The following SYT1 variants were observed in gnomAD, a reference collection of about 807,000 sequenced individuals.
The protein encoded by SYT1 is synaptotagmin 1.
SYT1 carries 8 observed loss-of-function variants against 44.8 expected under a neutral mutation model. The ratio of observed to expected loss-of-function variants is 0.18; its 90% CI spans 0.10 to 0.32. SYT1 has a LOEUF of 0.32. Among genes scored for constraint, SYT1 ranks in the 10% least tolerant of loss-of-function variants. The pLI is 1.00. For synonymous variants in SYT1, 154 were observed against 188.8 expected (o/e 0.82, Z 1.51); for missense variants, 286 against 509.3 (o/e 0.56, Z 4.22).
intron 1 of SYT1, among the ~76,000 whole-genome samples, chr12:78,957,713 G>C (rs1341759167): frequency 6.6e-6 from 1 of 151,962 alleles, no homozygotes; most frequent in Non-Finnish European, 1.5e-5. Context: ...TACTGTTGTT[G>C]TTGTTATTTT....
intron 1 of SYT1, among the ~76,000 whole-genome samples, chr12:78,962,614 AT>A (rs1175816293): frequency 4.6e-5 from 7 of 152,022 alleles, no homozygotes; most frequent in African/African-American, 1.7e-4. Flanking sequence ...GCCTGTGTGT[AT>A]TCTCATTCGT....
chr12:79,112,238 A>G (rs1475593069), intron 3 of SYT1, among the ~76,000 whole-genome samples: 1 of 152,070 alleles, frequency 6.6e-6, no homozygotes, highest in East Asian at 1.9e-4. Flanking sequence ...ATCTGAGACA[A>G]AACTTGAAGA....
intron 4 of SYT1, among the ~76,000 whole-genome samples, chr12:79,240,859 G>A (rs1050826871): frequency 1.3e-5 from 2 of 152,148 alleles, no homozygotes; most frequent in Non-Finnish European, 2.9e-5. Context: ...TCTAAAAAAT[G>A]TAGAGGAGAA....
At chr12:78,985,141 A>T (rs901027569) in intron 2 of SYT1, among the ~76,000 whole-genome samples, 1 of 151,728 alleles carries the variant, frequency 6.6e-6, no homozygotes, top group South Asian at 2.1e-4. Context: ...TTTATTCTTG[A>T]TTTTTTTTAA....
At chr12:79,111,433 T>C (rs563583349) in intron 3 of SYT1, among the ~76,000 whole-genome samples, 8 of 152,206 alleles carry the variant, frequency 5.3e-5, no homozygotes, top group South Asian at 2.1e-4. Context: ...TCAGAACCTT[T>C]CAAGCAAGGA....
intron 8 of SYT1, among the ~76,000 whole-genome samples, chr12:79,313,411 G>A (rs59881724): frequency 0.011 from 1,601 of 152,266 alleles, 30 homozygotes; most frequent in African/African-American, 0.036. Context: ...AGCAGTATTT[G>A]AGGGAGGATC....
chr12:79,009,449 A>G (rs114330038), intron 2 of SYT1, among the ~76,000 whole-genome samples: 1,728 of 152,262 alleles, frequency 0.011, 32 homozygotes, highest in African/African-American at 0.04. Flanking sequence ...TTCCTTATGG[A>G]TGAGCATTGG....
At chr12:79,178,315 C>A (rs1459667761) in intron 3 of SYT1, among the ~76,000 whole-genome samples, 4 of 151,824 alleles carry the variant, frequency 2.6e-5, no homozygotes, top group Non-Finnish European at 5.9e-5. Flanking sequence ...CACATAGATT[C>A]CTTTTTATTT....
intron 9 of SYT1, among the ~76,000 whole-genome samples, chr12:79,370,711 A>T (rs988299129): frequency 6.6e-6 from 1 of 152,014 alleles, no homozygotes; most frequent in African/African-American, 2.4e-5. Context: ...TGCAGTGAGC[A>T]GAGATCGCGC....
rs575418549 is a variant in SYT1, at chr12:78,921,345, C to G, written c.-217+56236C>G. Among the ~76,000 whole-genome samples the G allele has an allele frequency of 8.6e-4, 130 of 152,028 alleles. 4 individuals are homozygous for G. In the South Asian group the frequency reaches 0.026, roughly 30 times the overall value. Reference sequence around the variant, plus strand: ...GGGAGCTGTTGGTGAAACCGATACTCAAGTTTGTTGTAACAACTATATATA... The same window carrying G: ...GGGAGCTGTTGGTGAAACCGATACTGAAGTTTGTTGTAACAACTATATATA... On this transcript the variant is annotated intron_variant, in intron 1 of 10. Coordinates refer to ENST00000261205, the MANE Select transcript of SYT1 (RefSeq NM_005639.3).
chr12:79,126,897 T>C (rs1338476454), intron 3 of SYT1, among the ~76,000 whole-genome samples: 1 of 152,216 alleles, frequency 6.6e-6, no homozygotes, highest in Non-Finnish European at 1.5e-5. Flanking sequence ...AGTAAAACTC[T>C]GGCTTTCAAC....
chr12:79,183,309 G>A (rs940027325), intron 3 of SYT1, among the ~76,000 whole-genome samples: 11 of 151,984 alleles, frequency 7.2e-5, no homozygotes, highest in African/African-American at 1.7e-4. Flanking sequence ...AGTAAGTTGC[G>A]CAGACAGGAA....
chr12:78,889,319 G>A (rs557949203), intron 1 of SYT1, among the ~76,000 whole-genome samples: 2 of 151,906 alleles, frequency 1.3e-5, no homozygotes, highest in South Asian at 4.2e-4. Flanking sequence ...GTTACCAAAG[G>A]GTTGAGACTC....
Position 79,031,781 on chromosome 12 carries a change from T to C in SYT1, c.-83-15516T>C, listed in dbSNP as rs78973491. ...CATAGAATAAGATATAATAATATTCTACTTTTGGAAATCCTAATCATGGGA... is the reference window on the plus strand; with the variant it reads ...CATAGAATAAGATATAATAATATTCCACTTTTGGAAATCCTAATCATGGGA... On this transcript the variant is annotated intron_variant, in intron 2 of 10. Coordinates refer to ENST00000261205, the MANE Select transcript of SYT1 (RefSeq NM_005639.3). Among the ~76,000 whole-genome samples, 48 of 151,250 alleles carry C rather than the reference T, an allele frequency of 3.2e-4. No homozygotes were observed. The East Asian group carries it at 9.0e-3, about 28-fold the overall frequency.
chr12:79,214,765 T>C (rs1393199749), intron 3 of SYT1, among the ~76,000 whole-genome samples: 3 of 152,198 alleles, frequency 2.0e-5, no homozygotes, highest in Non-Finnish European at 1.5e-5. Context: ...GCTATTGTAC[T>C]TAGCTATTTT....
chr12:79,130,953 G>A (rs2138176645), intron 3 of SYT1, among the ~76,000 whole-genome samples: 1 of 152,218 alleles, frequency 6.6e-6, no homozygotes, highest in South Asian at 2.1e-4. Flanking sequence ...TTGAGCATGA[G>A]ACAGGGCATT....
chr12:79,087,848 T>C (rs139830933), intron 3 of SYT1, among the ~76,000 whole-genome samples: 1 of 152,262 alleles, frequency 6.6e-6, no homozygotes, highest in African/African-American at 2.4e-5. Flanking sequence ...TGGGGCTTTA[T>C]ATTTAACACT....
chr12:79,169,239 G>T (rs1016180850), intron 3 of SYT1, among the ~76,000 whole-genome samples: 1 of 151,922 alleles, frequency 6.6e-6, no homozygotes, highest in Admixed American at 6.6e-5. Flanking sequence ...ATTCACAGAA[G>T]AATAGTTAGC....
At chr12:79,052,437 T>A (rs1326158401) in intron 3 of SYT1, among the ~76,000 whole-genome samples, 2 of 152,172 alleles carry the variant, frequency 1.3e-5, no homozygotes, top group Non-Finnish European at 2.9e-5. Context: ...ATTCAGGACA[T>A]ATGCATGGGC....
Sources: gnomAD v4.1 joint callset for allele counts (sites outside exome capture counted in the v4.1 genomes callset) on GRCh38, gnomAD v4.1.1 for gene constraint, MANE v1.5 for transcripts, NCBI Gene and HGNC (gene_info 2026-07-23, HGNC 2026-07-21) for gene names.